LGSN: variants seen among roughly 807,000 people sequenced by gnomAD.
The protein encoded by LGSN is lengsin, lens protein with glutamine synthetase domain.
In LGSN, 21 loss-of-function variants were observed where a neutral mutation model predicts 19.5. The observed-to-expected ratio is 1.07, with a 90% confidence interval of 0.76 to 1.55. LGSN has a LOEUF of 1.55. LGSN is among the 40% of genes most tolerant of loss of function. LGSN has a pLI of 0.00. For synonymous variants in LGSN, 257 were observed against 215.6 expected, an observed-to-expected ratio of 1.19 and a Z score of -1.68; for missense variants, 673 against 608.5, an observed-to-expected ratio of 1.11 and a Z score of -1.12.
chr6:63,324,255 C>T (rs1769175283), upstream of LGSN, among the ~76,000 whole-genome samples: 1 of 152,194 alleles, frequency 6.6e-6, no homozygotes, highest in African/African-American at 2.4e-5. Context: ...ACTTTCAGAA[C>T]TGCTGCTGTA....
the LGSN span, among the ~76,000 whole-genome samples, chr6:63,361,501 G>A: frequency 1.0e-3 from 156 of 152,170 alleles, no homozygotes; most frequent in Non-Finnish European, 1.7e-3. Flanking sequence ...TAAGACCATC[G>A]GAAAAGCGCA....
the LGSN span, among the ~76,000 whole-genome samples, chr6:63,562,121 T>C: frequency 6.8e-6 from 1 of 146,206 alleles, no homozygotes; most frequent in South Asian, 2.1e-4. Context: ...AGTTTATTTC[T>C]TTCTATTTTT....
In LGSN at chr6:63,279,176, A is replaced by G. The variant is rs1582012807; in HGVS notation, c.*845T>C. The stretch of plus-strand genomic sequence containing the variant: ...CCAGGCAGTTGTTCTCACACTCCAC[A>G]GAGCACTAGAGGTTTCAGAGGAACA... On this transcript the variant is annotated 3_prime_UTR_variant, in exon 4 of 4. Coordinates refer to ENST00000370657, the MANE Select transcript of LGSN (RefSeq NM_016571.3). 1 of 152,328 alleles carries G rather than the reference A, an allele frequency of 6.6e-6. No individual in the cohort carries two copies. The highest frequency in any genetic ancestry group is 1.9e-4 in the East Asian group (1 of 5,184). The allele number at this position is 152,328 out of a possible 1,614,324, so 9.4% of individuals were successfully genotyped here.
chr6:63,427,944 A>G, the LGSN span, among the ~76,000 whole-genome samples: 4 of 152,206 alleles, frequency 2.6e-5, no homozygotes, highest in African/African-American at 7.2e-5. Flanking sequence ...GCACCTAATT[A>G]TCTATATATC....
At chr6:63,545,391 C>A in the LGSN span, among the ~76,000 whole-genome samples, 1 of 152,124 alleles carries the variant, frequency 6.6e-6, no homozygotes, top group African/African-American at 2.4e-5. Context: ...AGATGGATCA[C>A]CTGAGGTCAG....
chr6:63,441,597 C>T, the LGSN span: 1 of 450,464 alleles, frequency 2.2e-6, no homozygotes, highest in Non-Finnish European at 4.2e-6. Context: ...GGCAAAGCAG[C>T]GAGCTAAGGA....
chr6:63,431,824 T>C, the LGSN span, among the ~76,000 whole-genome samples: 1 of 151,426 alleles, frequency 6.6e-6, no homozygotes, highest in Non-Finnish European at 1.5e-5. Context: ...CCCAACACTT[T>C]GGGAGGCTGA....
Position 63,280,784 on chromosome 6 carries a change from C to T in LGSN, c.767G>A (p.Ser256Asn), listed in dbSNP as rs745603749. The change falls in exon 4 of 4, where the codon AGT becomes AAT. Residue 256 changes from serine (S) to asparagine (N), a missense_variant. Coordinates refer to ENST00000370657, the MANE Select transcript of LGSN (RefSeq NM_016571.3). ...GLYHTGANVE[S>N]FSSSTRPGQM... ...ACCAGGCCTGGTAGAGGAGGAAAAA[C>T]TCTCGACATTGGCTCCAGTGTGATA... The T allele has an allele frequency of 1.9e-5, 31 of 1,614,010 alleles. No individual in the cohort carries two copies. The Admixed American group carries it at 2.5e-4, about 13-fold the overall frequency.
the LGSN span, among the ~76,000 whole-genome samples, chr6:63,559,857 G>A: frequency 4.6e-5 from 7 of 152,100 alleles, no homozygotes; most frequent in Non-Finnish European, 1.0e-4. Flanking sequence ...GAACTCCTGG[G>A]CTCAAACAAT....
the LGSN span, among the ~76,000 whole-genome samples, chr6:63,398,257 C>T: frequency 1.9e-3 from 289 of 149,906 alleles, 2 homozygotes; most frequent in African/African-American, 3.3e-3. Flanking sequence ...CAGGCAGGTC[C>T]TTCAGGAGGT....
chr6:63,340,548 G>A, the LGSN span, among the ~76,000 whole-genome samples: 1 of 144,526 alleles, frequency 6.9e-6, no homozygotes, highest in Non-Finnish European at 1.5e-5. Context: ...CTAGTCTATT[G>A]TTGAAGCTCT....
At chr6:63,284,714 C>A (rs1347463156) in intron 3 of LGSN, among the ~76,000 whole-genome samples, 3 of 152,134 alleles carry the variant, frequency 2.0e-5, no homozygotes, top group Non-Finnish European at 4.4e-5. Flanking sequence ...AACATGTATT[C>A]TTGCCTGAAT....
chr6:63,334,870 G>T, the LGSN span, among the ~76,000 whole-genome samples: 1 of 152,068 alleles, frequency 6.6e-6, no homozygotes, highest in Admixed American at 6.5e-5. Context: ...TGGGCGCAGT[G>T]GCTCACATCT....
chr6:63,311,588 C>A (rs1768630663), intron 1 of LGSN, among the ~76,000 whole-genome samples: 1 of 152,186 alleles, frequency 6.6e-6, no homozygotes. Context: ...GATGTTCATT[C>A]TTGCTTTGAT....
chr6:63,355,574 C>T, the LGSN span, among the ~76,000 whole-genome samples: 1 of 149,436 alleles, frequency 6.7e-6, no homozygotes, highest in Non-Finnish European at 1.5e-5. Flanking sequence ...CATGCTGTCT[C>T]TGAAACCTGG....
the LGSN span, among the ~76,000 whole-genome samples, chr6:63,433,164 A>T: frequency 6.6e-6 from 1 of 151,736 alleles, no homozygotes; most frequent in African/African-American, 2.4e-5. Context: ...GAAGGGGGAA[A>T]GTTGGGGGGG....
At chr6:63,500,769 C>T in the LGSN span, among the ~76,000 whole-genome samples, 1 of 151,264 alleles carries the variant, frequency 6.6e-6, no homozygotes. Flanking sequence ...ACTCTGTCAC[C>T]CAGGCTGGAG....
chr6:63,421,827 A>T, the LGSN span, among the ~76,000 whole-genome samples: 2 of 152,282 alleles, frequency 1.3e-5, no homozygotes, highest in Admixed American at 1.3e-4. Flanking sequence ...GTGAGACTAT[A>T]AAAAAAGTTC....
At chr6:63,452,639 T>G in the LGSN span, among the ~76,000 whole-genome samples, 1 of 146,080 alleles carries the variant, frequency 6.8e-6, no homozygotes, top group Non-Finnish European at 1.5e-5. Context: ...ATTCCTAATA[T>G]TGGTATGTTA....
Sources: allele counts gnomAD v4.1 joint callset (sites outside exome capture counted in the v4.1 genomes callset), GRCh38; gene constraint gnomAD v4.1.1; transcripts MANE v1.5; gene names NCBI Gene and HGNC (gene_info 2026-07-23, HGNC 2026-07-21).